The following ENPEP variants were observed in gnomAD, a reference collection of about 807,000 sequenced individuals.
ENPEP encodes the protein glutamyl aminopeptidase.
A neutral mutation model predicts 114.5 loss-of-function variants in ENPEP; 103 were observed. The observed-to-expected ratio is 0.90, with a 90% CI of 0.77 to 1.06. ENPEP has a LOEUF of 1.06. ENPEP is among the 50% of genes least tolerant of loss of function. The pLI, the probability that ENPEP is intolerant of heterozygous loss-of-function variation, is 0.00. For synonymous variants in ENPEP, 420 were observed against 422.0 expected, an observed-to-expected ratio of 1.00 and a Z score of 0.06; for missense variants, 1,196 against 1,161.3, an observed-to-expected ratio of 1.03 and a Z score of -0.43.
chr4:110,547,978 C>A (rs1727129337), intron 13 of ENPEP, among the ~76,000 whole-genome samples, 198 bp from the exon 14 acceptor site: 1 of 151,892 alleles, frequency 6.6e-6, no homozygotes. Flanking sequence ...TATGAAAGCC[C>A]TACTGTATAA....
intron 3 of ENPEP, among the ~76,000 whole-genome samples, chr4:110,498,057 T>C (rs915748218): frequency 6.6e-6 from 1 of 152,256 alleles, no homozygotes; most frequent in African/African-American, 2.4e-5. Flanking sequence ...TCAGTATTGA[T>C]AATGAAACAG....
intron 3 of ENPEP, among the ~76,000 whole-genome samples, chr4:110,497,055 T>C (rs1367575802): frequency 1.3e-5 from 2 of 152,196 alleles, no homozygotes; most frequent in Non-Finnish European, 2.9e-5. Context: ...GATTAATAAA[T>C]ATTTAGGGAG....
At position 110,549,426 on chromosome 4, in the gene ENPEP, C is replaced by T; in HGVS notation, c.2225+7C>T. The stretch of plus-strand genomic sequence containing the variant: ...CTGGAGACCATGTCACAAAGTTATT[C>T]TCACTTTTTAACAACTAAAATTCAT... On this transcript the variant is annotated splice_region_variant and intron_variant, in intron 15 of 19. Transcript: ENST00000265162. The T allele has an allele frequency of 6.2e-7, 1 of 1,613,062 alleles. No homozygotes were observed. Among genetic ancestry groups the T allele is most frequent in the Non-Finnish European group, 8.5e-7 (1 of 1,179,326 alleles).
rs746674434 is a variant in ENPEP, at chr4:110,561,482, A to G, written c.2798A>G (p.Lys933Arg). The G allele has an allele frequency of 1.9e-6, 3 of 1,614,116 alleles. No homozygotes were observed. The East Asian group carries it at 6.7e-5, about 36-fold the overall frequency. The change falls in exon 20 of 20, where the codon AAA becomes AGA. Residue 933 changes from lysine to arginine, a missense_variant. Lys to Arg is a conservative substitution (Grantham distance 26). Coordinates refer to ENST00000265162, the MANE Select transcript of ENPEP (RefSeq NM_001977.4). Reference protein sequence around the residue: ...KPREQVLETVKNNIEWLKQHR... With the variant: ...KPREQVLETVRNNIEWLKQHR... The stretch of plus-strand genomic sequence containing the variant: ...AGGGAACAAGTGCTGGAAACAGTGA[A>G]AAACAATATAGAGTGGCTAAAACAA...
chr4:110,510,682 C>T (rs1451383055), intron 6 of ENPEP, among the ~76,000 whole-genome samples: 1 of 151,750 alleles, frequency 6.6e-6, no homozygotes, highest in Non-Finnish European at 1.5e-5. Flanking sequence ...TAGCACTAAC[C>T]CTTTGAAAAA....
rs1727768484 is a variant in ENPEP at position 110,564,487 on chromosome 4, A to G, written c.*2929A>G. On this transcript the variant is annotated 3_prime_UTR_variant, in exon 20 of 20. Coordinates refer to ENST00000265162, the MANE Select transcript of ENPEP (RefSeq NM_001977.4). ...AGGATTAAATACAAAAATGCATGTA[A>G]AGGACATACGTATAGGAAATAACAA... The G allele has an allele frequency of 6.6e-6, 1 of 152,204 alleles. No individual in the cohort carries two copies. The highest frequency in any genetic ancestry group is 2.4e-5 in the African/African-American group (1 of 41,442). The allele number at this position is 152,204 out of a possible 1,614,324, so 9.4% of individuals were successfully genotyped here. A position where few individuals can be genotyped will look rare whatever the true frequency, so the allele number is the denominator to read the frequency against.
rs377495347 is a variant in ENPEP at position 110,513,451 on chromosome 4, C to G, written c.1345C>G (p.Gln449Glu). ...QMLLEDVLPV[Q>E]EDDSLMSSHP... ...GTTACTTGAAGATGTATTACCTGTT[C>G]AAGAGGATGATTCTTTGATGTCTTC... The change falls in exon 7 of 20, where the codon CAA becomes GAA. Residue 449 changes from glutamine (Q) to glutamate (E), a missense_variant. Transcript: ENST00000265162. 6.2e-6 allele frequency: 10 copies of G among 1,613,290 alleles called. No homozygotes were observed. The South Asian group carries it at 6.6e-5, about 11-fold the overall frequency.
At position 110,542,612 on chromosome 4, in the gene ENPEP, G is replaced by A; in HGVS notation, c.1808-139G>A. 2.6e-6 allele frequency: 2 copies of A among 775,114 alleles called. 1 individual carries two copies. Among genetic ancestry groups the A allele is most frequent in the South Asian group, 5.5e-5 (2 of 36,156 alleles). The allele number at this position is 775,114 out of a possible 1,614,324, so 48.0% of individuals were successfully genotyped here. A position where few individuals can be genotyped will look rare whatever the true frequency, so the allele number is the denominator to read the frequency against. ...CAACTAAGTAAAAATTAGGCTTTGGGTTTTGGATCCAAATCAAACCTGCCT... is the reference window on the plus strand; with the variant it reads ...CAACTAAGTAAAAATTAGGCTTTGGATTTTGGATCCAAATCAAACCTGCCT... On this transcript the variant is annotated intron_variant, in intron 11 of 19. Transcript: ENST00000265162.
chr4:110,509,797 T>C lies in ENPEP; in HGVS notation c.1184T>C (p.Leu395Pro). 6.2e-7 allele frequency: 1 copy of C among 1,613,290 alleles called. No individual in the cohort carries two copies. The highest frequency in any genetic ancestry group is 8.5e-7 in the Non-Finnish European group (1 of 1,179,838). ...QRVATVVAHE[L>P]VHQWFGNIVT... ...GTGGCCACTGTGGTTGCCCATGAACTTGTGCATCAGGTACAGAATCTTAGC... is the reference window on the plus strand; with the variant it reads ...GTGGCCACTGTGGTTGCCCATGAACCTGTGCATCAGGTACAGAATCTTAGC... The change falls in exon 5 of 20, where the codon CTT becomes CCT. Residue 395 changes from leucine (L) to proline (P), a missense_variant. Transcript: ENST00000265162.
At chr4:110,528,601 T>C (rs1394584462) in intron 10 of ENPEP, among the ~76,000 whole-genome samples, 1 of 152,196 alleles carries the variant, frequency 6.6e-6, no homozygotes, top group African/African-American at 2.4e-5. Flanking sequence ...ATGTATAAGT[T>C]ATTGCTTTAA....
intron 14 of ENPEP, 111 bp from the exon 15 acceptor site, chr4:110,549,235 C>A (rs1727190816): frequency 4.6e-6 from 4 of 871,330 alleles, no homozygotes; most frequent in Admixed American, 2.5e-5. Context: ...GCGCAAAGTT[C>A]TCTGAATTAG....
chr4:110,498,353 C>CAA (rs5861009), intron 3 of ENPEP, among the ~76,000 whole-genome samples: 8 of 151,484 alleles, frequency 5.3e-5, no homozygotes, highest in South Asian at 2.1e-4. Context: ...TGAGACCTTG[C>CAA]AAAAAAAACC....
chr4:110,529,806 G>A (rs1726335325), intron 10 of ENPEP, among the ~76,000 whole-genome samples: 1 of 152,212 alleles, frequency 6.6e-6, no homozygotes, highest in African/African-American at 2.4e-5. Flanking sequence ...GGGCACAGTG[G>A]CTTATGCCTG....
Position 110,549,824 on chromosome 4 carries a change from T to C in ENPEP, c.2439T>C (p.Ala813=). 6.2e-7 allele frequency: 1 copy of C among 1,613,218 alleles called. No individual in the cohort carries two copies. Among genetic ancestry groups the C allele is most frequent in the East Asian group, 2.2e-5 (1 of 44,854 alleles). ...TLEQYQKTSL[A]QEKEKLLYGL... ...AGCAATACCAGAAAACTTCATTAGC[T>C]CAAGAAAAAGAAAAACTGCTGTATG... The change falls in exon 17 of 20, where the codon GCT becomes GCC. Residue 813 remains alanine, a synonymous_variant. Coordinates refer to ENST00000265162, the MANE Select transcript of ENPEP (RefSeq NM_001977.4).
At chr4:110,549,921 T>C (rs1560570473) in intron 17 of ENPEP, 35 bp downstream of exon 17, 13 of 1,534,996 alleles carry the variant, frequency 8.5e-6, no homozygotes, top group Non-Finnish European at 1.1e-5. Flanking sequence ...ATATAAATAG[T>C]ATTTAATAGT....
intron 13 of ENPEP, among the ~76,000 whole-genome samples, chr4:110,545,861 C>G (rs1357274380): frequency 6.6e-6 from 1 of 151,912 alleles, no homozygotes; most frequent in Non-Finnish European, 1.5e-5. Flanking sequence ...GAACAGGCCA[C>G]CCCATGCAGT....
chr4:110,515,623 G>A, intron 8 of ENPEP, 181 bp downstream of exon 8: 4 of 629,928 alleles, frequency 6.3e-6, no homozygotes, highest in Admixed American at 4.9e-5. Flanking sequence ...CATTGTATCT[G>A]TAATGATCAT....
intron 13 of ENPEP, 99 bp downstream of exon 13, chr4:110,543,169 C>A: frequency 8.9e-7 from 1 of 1,122,904 alleles, no homozygotes; most frequent in Non-Finnish European, 1.3e-6. Context: ...TCAATTTTAG[C>A]TTAAAATATC....
At chr4:110,498,603 C>T (rs1193861026) in intron 3 of ENPEP, among the ~76,000 whole-genome samples, 1 of 152,170 alleles carries the variant, frequency 6.6e-6, no homozygotes, top group Non-Finnish European at 1.5e-5. Context: ...AGAAAACACT[C>T]AATAGACAAG....
Sources: gnomAD v4.1 joint callset for allele counts (sites outside exome capture counted in the v4.1 genomes callset) on GRCh38, gnomAD v4.1.1 for gene constraint, MANE v1.5 for transcripts, NCBI Gene and HGNC (gene_info 2026-07-23, HGNC 2026-07-21) for gene names.